The following PLXDC2 variants were observed in gnomAD, a reference collection of about 807,000 sequenced individuals.
PLXDC2 encodes the protein plexin domain-containing protein 2.
A neutral mutation model predicts 68.9 loss-of-function variants in PLXDC2; 40 were observed. That is an observed-to-expected ratio of 0.58 (90% CI 0.45 to 0.76). The LOEUF (loss-of-function observed/expected upper bound fraction) is 0.76, where lower values mean the gene tolerates loss of function less well. Among genes scored for constraint, PLXDC2 ranks in the 30% least tolerant of loss-of-function variants. PLXDC2 has a pLI of 0.00. For synonymous variants in PLXDC2, 243 were observed against 234.2 expected (o/e 1.04, Z -0.34); for missense variants, 644 against 661.9 (o/e 0.97, Z 0.30).
chr10:20,141,248 C>G (rs1190214625), intron 4 of PLXDC2, among the ~76,000 whole-genome samples: 1 of 151,300 alleles, frequency 6.6e-6, no homozygotes, highest in Non-Finnish European at 1.5e-5. Context: ...CTTGGCAAAT[C>G]TATGTAGAAA....
At chr10:19,817,267 C>A in intron 1 of PLXDC2, 76 bp downstream of exon 1, 1 of 1,202,982 alleles carries the variant, frequency 8.3e-7, no homozygotes, top group Non-Finnish European at 1.2e-6. Flanking sequence ...GCTCCCTACC[C>A]TCTCCCCCCA....
chr10:20,179,431 G>C (rs1834572474), intron 9 of PLXDC2, among the ~76,000 whole-genome samples: 2 of 151,954 alleles, frequency 1.3e-5, no homozygotes, highest in Non-Finnish European at 2.9e-5. Flanking sequence ...CCAAACGAAG[G>C]AATCATGCTA....
intron 1 of PLXDC2, among the ~76,000 whole-genome samples, chr10:19,923,955 T>C (rs1833500817): frequency 6.6e-6 from 1 of 152,092 alleles, no homozygotes; most frequent in Non-Finnish European, 1.5e-5. Context: ...TCCCCACTCC[T>C]TGGGAGGCTG....
chr10:20,262,924 C>A (rs144156185), intron 13 of PLXDC2, among the ~76,000 whole-genome samples: 5 of 152,338 alleles, frequency 3.3e-5, no homozygotes, highest in African/African-American at 1.2e-4. Context: ...CTCAGCAACT[C>A]CCTGGACAGA....
At chr10:20,105,332 A>G (rs566553431) in intron 4 of PLXDC2, among the ~76,000 whole-genome samples, 2 of 152,360 alleles carry the variant, frequency 1.3e-5, no homozygotes, top group African/African-American at 4.8e-5. Context: ...ACCACAATGT[A>G]CAATGTCATT....
At chr10:20,178,480 TAAG>T (rs1277028987) in intron 9 of PLXDC2, among the ~76,000 whole-genome samples, 3 of 152,096 alleles carry the variant, frequency 2.0e-5, no homozygotes, top group African/African-American at 7.2e-5. Context: ...TGCCTGAGAA[TAAG>T]TCCCTTTCTC....
At chr10:19,944,661 G>A (rs899214003) in intron 1 of PLXDC2, among the ~76,000 whole-genome samples, 1 of 152,124 alleles carries the variant, frequency 6.6e-6, no homozygotes, top group African/African-American at 2.4e-5. Flanking sequence ...AGAAATAGAA[G>A]CATTGGTGGC....
chr10:19,994,774 G>A (rs190673427), intron 1 of PLXDC2, among the ~76,000 whole-genome samples: 17 of 150,428 alleles, frequency 1.1e-4, no homozygotes, highest in South Asian at 2.1e-4. Context: ...ACAGAGTCTC[G>A]CTCTGTTACC....
intron 1 of PLXDC2, among the ~76,000 whole-genome samples, chr10:19,950,683 C>G (rs964835049): frequency 1.1e-4 from 17 of 152,040 alleles, no homozygotes; most frequent in African/African-American, 3.9e-4. Context: ...AAAAGTAGCC[C>G]AAATAGCCAA....
chr10:19,926,497 G>C (rs117342011), intron 1 of PLXDC2, among the ~76,000 whole-genome samples: 1 of 152,242 alleles, frequency 6.6e-6, no homozygotes, highest in Non-Finnish European at 1.5e-5. Flanking sequence ...GCTGCACTAT[G>C]TTCATCTTGC....
At chr10:20,036,759 G>A (rs142666707) in intron 2 of PLXDC2, among the ~76,000 whole-genome samples, 18 of 152,152 alleles carry the variant, frequency 1.2e-4, no homozygotes, top group African/African-American at 3.4e-4. Flanking sequence ...GCACACATAC[G>A]CAAGACCCAT....
At chr10:20,125,210 G>A (rs1387965404) in intron 4 of PLXDC2, among the ~76,000 whole-genome samples, 1 of 152,108 alleles carries the variant, frequency 6.6e-6, no homozygotes, top group East Asian at 1.9e-4. Context: ...GTATTAGGGA[G>A]GTGGTACTAC....
chr10:20,206,719 C>T (rs1227122597), intron 9 of PLXDC2, among the ~76,000 whole-genome samples: 2 of 152,088 alleles, frequency 1.3e-5, no homozygotes, highest in East Asian at 1.9e-4. Flanking sequence ...CTCAGTTAGA[C>T]CTATGAATTT....
intron 12 of PLXDC2, 62 bp from the exon 13 acceptor site, chr10:20,245,283 G>A (rs1588540163): frequency 1.3e-6 from 2 of 1,515,764 alleles, no homozygotes; most frequent in Non-Finnish European, 1.8e-6. Flanking sequence ...TATCTCCTCA[G>A]ATGAAAATGC....
At chr10:19,941,750 T>C (rs1054924975) in intron 1 of PLXDC2, among the ~76,000 whole-genome samples, 1 of 152,166 alleles carries the variant, frequency 6.6e-6, no homozygotes, top group African/African-American at 2.4e-5. Flanking sequence ...GGCCATAGGT[T>C]TTCTTTTCCT....
At position 20,203,195 on chromosome 10, in the gene PLXDC2, T is replaced by C. The variant is rs569718358; in HGVS notation, c.1062-8474T>C. On this transcript the variant is annotated intron_variant, in intron 9 of 13. Coordinates refer to ENST00000377252, the MANE Select transcript of PLXDC2 (RefSeq NM_032812.9). ...AAGCCAATTGCAAAAATCATTTTCCTTGTTGGAAATTTTATCAATGAAAGA... is the reference window on the plus strand; with the variant it reads ...AAGCCAATTGCAAAAATCATTTTCCCTGTTGGAAATTTTATCAATGAAAGA... Among the ~76,000 whole-genome samples the C allele has an allele frequency of 2.0e-5, 3 of 152,292 alleles. No homozygotes were observed. In the South Asian group the frequency reaches 6.2e-4, roughly 32 times the overall value.
rs1835579819 is a variant in PLXDC2, at chr10:20,245,413, C to G, written c.1381C>G (p.Leu461Val). ...TLHAGLIIGI[L>V]ILVLIVATAI... Reference sequence around the variant, plus strand: ...CCACGCTGGCCTCATCATTGGAATCCTCATCCTGGTCCTCATTGTAGCCAC... The same window carrying G: ...CCACGCTGGCCTCATCATTGGAATCGTCATCCTGGTCCTCATTGTAGCCAC... Residue 461 changes from leucine (L) to valine (V), a missense_variant, in exon 13 of 14, where the codon CTC becomes GTC. Around this residue, in one of 3 missense-constraint regions of PLXDC2, gnomAD observed 330 missense variants for 327.9 expected, o/e 1.01. Transcript: ENST00000377252. 7 of 1,613,990 alleles carry G rather than the reference C, an allele frequency of 4.3e-6. No homozygotes were observed. The East Asian group carries it at 1.6e-4, about 36-fold the overall frequency.
chr10:20,009,219 TTACAC>T (rs1835071901), intron 2 of PLXDC2, among the ~76,000 whole-genome samples: 1 of 152,218 alleles, frequency 6.6e-6, no homozygotes, highest in African/African-American at 2.4e-5. Flanking sequence ...GGTTCTGTCT[TTACAC>T]TACTATTGTG....
chr10:20,005,166 CTTTCTAG>C, intron 2 of PLXDC2, among the ~76,000 whole-genome samples: 1 of 152,256 alleles, frequency 6.6e-6, no homozygotes, highest in South Asian at 2.1e-4. Context: ...TGACGTTGCT[CTTTCTAG>C]CAAAAGGAAA....
Sources: gnomAD v4.1 joint callset for allele counts (sites outside exome capture counted in the v4.1 genomes callset) on GRCh38, gnomAD v4.1.1 for gene constraint, gnomAD v4.1.1 regional missense constraint, MANE v1.5 for transcripts, NCBI Gene and HGNC (gene_info 2026-07-23, HGNC 2026-07-21) for gene names.